DLEU7: variants seen among roughly 807,000 people sequenced by gnomAD.
DLEU7 encodes leukemia-associated protein 7.
A neutral mutation model predicts 16.0 loss-of-function variants in DLEU7; 17 were observed. The observed-to-expected ratio is 1.06, with a 90% confidence interval of 0.73 to 1.59. The LOEUF (loss-of-function observed/expected upper bound fraction) is 1.59. Ranked by LOEUF, DLEU7 falls within the 40% of genes most tolerant of loss-of-function variation. The pLI is 0.00. For missense variants in DLEU7, 308 were observed against 314.9 expected (o/e 0.98, Z 0.17); for synonymous variants, 113 against 139.8 (o/e 0.81, Z 1.35).
chr13:50,748,568 G>A (rs1278122833), intron 1 of DLEU7, among the ~76,000 whole-genome samples: 52 of 152,044 alleles, frequency 3.4e-4, no homozygotes, highest in Non-Finnish European at 4.4e-5. Flanking sequence ...CAAGCCATGC[G>A]GGTGTCCTCA....
chr13:50,725,676 C>T (rs577686356), intron 1 of DLEU7, among the ~76,000 whole-genome samples: 2 of 152,004 alleles, frequency 1.3e-5, no homozygotes, highest in Non-Finnish European at 2.9e-5. Context: ...TGGTCAGGAG[C>T]GGGGGCATGG....
chr13:50,742,615 G>T (rs1874282176), intron 1 of DLEU7, among the ~76,000 whole-genome samples: 1 of 152,124 alleles, frequency 6.6e-6, no homozygotes, highest in Non-Finnish European at 1.5e-5. Flanking sequence ...CAACCCCAAG[G>T]CACCAAGATG....
At chr13:50,772,120 A>T (rs1204275527) in intron 1 of DLEU7, among the ~76,000 whole-genome samples, 1 of 152,138 alleles carries the variant, frequency 6.6e-6, no homozygotes, top group Non-Finnish European at 1.5e-5. Context: ...TTTGCTTGGT[A>T]GATCTTCCTC....
rs1326942506 is a variant in DLEU7, at chr13:50,726,174, AT to A, written c.460-12935del. ...TGTGGCCTTAGGACACTTAGGTAACATGGCCTTGCCAACCTCTGGGTGCTAT... is the reference window on the plus strand; with the variant it reads ...TGTGGCCTTAGGACACTTAGGTAACAGGCCTTGCCAACCTCTGGGTGCTAT... On this transcript the variant is annotated intron_variant, in intron 1 of 1. Coordinates refer to the DLEU7 transcript ENST00000400393. The surrounding 1 kb of genome is among the most constrained non-coding windows in gnomAD (Gnocchi z 4.0). Among the ~76,000 whole-genome samples, 1 of 152,206 alleles carries A rather than the reference AT, an allele frequency of 6.6e-6. No homozygotes were observed. The highest frequency in any genetic ancestry group is 1.5e-5 in the Non-Finnish European group (1 of 68,026).
intron 1 of DLEU7, among the ~76,000 whole-genome samples, chr13:50,803,065 C>T (rs1019012874): frequency 3.9e-5 from 6 of 152,118 alleles, no homozygotes; most frequent in Non-Finnish European, 8.8e-5. Context: ...AATAGCCTAA[C>T]AGGTCATTGG....
intron 1 of DLEU7, among the ~76,000 whole-genome samples, chr13:50,815,955 A>G (rs193183137): frequency 6.6e-6 from 1 of 152,274 alleles, no homozygotes; most frequent in South Asian, 2.1e-4. Flanking sequence ...ACAATTTTAT[A>G]ATATAAAGTG....
At chr13:50,787,467 T>G (rs915210554) in intron 1 of DLEU7, among the ~76,000 whole-genome samples, 1 of 152,084 alleles carries the variant, frequency 6.6e-6, no homozygotes, top group Non-Finnish European at 1.5e-5. Context: ...GGCAGGGAGA[T>G]AGCAAAGATG....
At position 50,791,330 on chromosome 13, in the gene DLEU7, C is replaced by T. The variant is rs143821067; in HGVS notation, c.459+51858G>A. ...AACACCTGCCCAGTGCTCTCCCACCCGCTTCATGCCCCTGACAGGAGGTGA... is the reference window on the plus strand; with the variant it reads ...AACACCTGCCCAGTGCTCTCCCACCTGCTTCATGCCCCTGACAGGAGGTGA... On this transcript the variant is annotated intron_variant, in intron 1 of 1. Coordinates refer to the DLEU7 transcript ENST00000400393. 2.9e-3 allele frequency among the ~76,000 whole-genome samples: 437 copies of T among 152,248 alleles called. 3 individuals carry two copies. Among genetic ancestry groups the T allele is most frequent in the Admixed American group, 4.0e-3 (61 of 15,292 alleles).
intron 1 of DLEU7, among the ~76,000 whole-genome samples, chr13:50,723,415 TACACACAC>T (rs35069706): frequency 1.7e-4 from 25 of 148,360 alleles, no homozygotes; most frequent in African/African-American, 4.7e-4. Context: ...ACAATAATTG[TACACACAC>T]ACACACACAC....
intron 1 of DLEU7, among the ~76,000 whole-genome samples, chr13:50,814,404 G>C (rs1264200337): frequency 6.6e-6 from 1 of 151,956 alleles, no homozygotes; most frequent in Admixed American, 6.6e-5. Flanking sequence ...GAACTAAAGA[G>C]TCTAGTTCCT....
At chr13:50,824,255 T>C (rs1877012889) in intron 1 of DLEU7, among the ~76,000 whole-genome samples, 1 of 152,192 alleles carries the variant, frequency 6.6e-6, no homozygotes, top group Admixed American at 6.5e-5. Flanking sequence ...ATATTTTTAA[T>C]CCCTAAATGG....
At chr13:50,805,188 G>A (rs1281311131) in intron 1 of DLEU7, among the ~76,000 whole-genome samples, 1 of 152,248 alleles carries the variant, frequency 6.6e-6, no homozygotes, top group Non-Finnish European at 1.5e-5. Flanking sequence ...ATTGAGATTA[G>A]TATATTGCAC....
chr13:50,819,730 C>T (rs1467324787), downstream of DLEU7, among the ~76,000 whole-genome samples: 1 of 152,126 alleles, frequency 6.6e-6, no homozygotes, highest in Non-Finnish European at 1.5e-5. Flanking sequence ...TGAAAGATGG[C>T]AGAGAAGCAG....
At chr13:50,745,487 T>A (rs1189926572) in intron 1 of DLEU7, among the ~76,000 whole-genome samples, 1 of 152,074 alleles carries the variant, frequency 6.6e-6, no homozygotes, top group Admixed American at 6.6e-5. Flanking sequence ...AGATAGATAG[T>A]GGTGATAATG....
intron 1 of DLEU7, among the ~76,000 whole-genome samples, chr13:50,739,146 A>G (rs1417082283): frequency 6.6e-6 from 1 of 151,882 alleles, no homozygotes; most frequent in African/African-American, 2.4e-5. Context: ...ACCTAGCTCA[A>G]TCCTACTCAT....
chr13:50,762,145 C>T (rs142004027), intron 1 of DLEU7, among the ~76,000 whole-genome samples: 2,766 of 140,228 alleles, frequency 0.02, 90 homozygotes, highest in African/African-American at 0.071. Flanking sequence ...GAGCCAAGAT[C>T]GCACCACTGC....
chr13:50,775,123 G>T (rs1170407326), intron 1 of DLEU7, among the ~76,000 whole-genome samples: 1 of 151,356 alleles, frequency 6.6e-6, no homozygotes, highest in African/African-American at 2.4e-5. Flanking sequence ...ATTCTCTGGG[G>T]TATGTGTTAC....
chr13:50,782,963 T>C (rs1458596279), intron 1 of DLEU7, among the ~76,000 whole-genome samples: 1 of 152,202 alleles, frequency 6.6e-6, no homozygotes, highest in Non-Finnish European at 1.5e-5. Context: ...GGCGTGTGTC[T>C]CTTTTCTATT....
intron 1 of DLEU7, among the ~76,000 whole-genome samples, chr13:50,770,562 C>G (rs1875269736): frequency 6.6e-6 from 1 of 152,008 alleles, no homozygotes; most frequent in South Asian, 2.1e-4. Flanking sequence ...CTATTTATGT[C>G]ATAGATTATG....
Sources: gnomAD v4.1 joint callset for allele counts (sites outside exome capture counted in the v4.1 genomes callset) on GRCh38, gnomAD v4.1.1 for gene constraint, Gnocchi (gnomAD v3.1) non-coding constraint, MANE v1.5 for transcripts, NCBI Gene and HGNC (gene_info 2026-07-23, HGNC 2026-07-21) for gene names.